The following CLDN2 variants were observed in gnomAD, a reference collection of about 807,000 sequenced individuals.
The protein encoded by CLDN2 is claudin-2.
In CLDN2, 1 loss-of-function variant was observed where a neutral mutation model predicts 8.2. That is an observed-to-expected ratio of 0.12 (90% confidence interval 0.04 to 0.58). The LOEUF (loss-of-function observed/expected upper bound fraction) is 0.58. Among genes scored for constraint, CLDN2 ranks in the 20% least tolerant of loss-of-function variants. The pLI, the probability that CLDN2 is intolerant of heterozygous loss-of-function variation, is 0.90. For synonymous variants in CLDN2, 70 were observed against 70.2 expected, an observed-to-expected ratio of 1.00 and a Z score of 0.01; for missense variants, 108 against 172.9, an observed-to-expected ratio of 0.62 and a Z score of 2.11.
At chrX:106,921,903 G>T (rs963924053) in intron 1 of CLDN2, among the ~76,000 whole-genome samples, 1 of 112,396 alleles carries the variant, frequency 8.9e-6, no homozygotes, top group Admixed American at 9.4e-5. Context: ...CTTCTAGGAG[G>T]ATCCCTCAAA....
At chrX:106,924,184 T>C (rs1933433815) in intron 1 of CLDN2, among the ~76,000 whole-genome samples, 1 of 110,169 alleles carries the variant, frequency 9.1e-6, no homozygotes, top group Non-Finnish European at 1.9e-5. Flanking sequence ...GAGCAGTGAG[T>C]GGGAGGGTGA....
At chrX:106,908,432 T>C (rs1445338468) in intron 1 of CLDN2, among the ~76,000 whole-genome samples, 1 of 111,323 alleles carries the variant, frequency 9.0e-6, no homozygotes, top group African/African-American at 3.3e-5. Context: ...ACACCATCCA[T>C]TGCAGCCTCC....
At chrX:106,913,608 C>T (rs765436562), upstream of CLDN2, among the ~76,000 whole-genome samples, 3 of 112,103 alleles carry the variant, frequency 2.7e-5, no homozygotes, top group South Asian at 3.7e-4. Flanking sequence ...TTTATCATCT[C>T]GCAGTTATAT....
intron 1 of CLDN2, among the ~76,000 whole-genome samples, chrX:106,902,567 G>A (rs759944453): frequency 9.0e-6 from 1 of 111,471 alleles, no homozygotes; most frequent in Admixed American, 9.5e-5. Flanking sequence ...TAATGAGTGG[G>A]GGCTAGATGG....
intron 1 of CLDN2, among the ~76,000 whole-genome samples, chrX:106,927,574 C>G (rs1057089496): frequency 8.9e-6 from 1 of 111,779 alleles, no homozygotes; most frequent in Non-Finnish European, 1.9e-5. Flanking sequence ...AGATTTTCAC[C>G]ATGGGCAGAA....
chrX:106,902,262 G>GTA, intron 1 of CLDN2: 1 of 1,054,404 alleles, frequency 9.5e-7, no homozygotes, highest in Non-Finnish European at 1.3e-6. Flanking sequence ...AGACTGAAAG[G>GTA]TGGGCTCCCT....
intron 1 of CLDN2, among the ~76,000 whole-genome samples, chrX:106,907,332 T>A (rs1933191774): frequency 8.9e-6 from 1 of 112,062 alleles, no homozygotes; most frequent in African/African-American, 3.2e-5. Context: ...AGGCTGGTAT[T>A]ATACAGCAAT....
At chrX:106,909,639 G>A (rs1181123118) in intron 1 of CLDN2, among the ~76,000 whole-genome samples, 1 of 112,214 alleles carries the variant, frequency 8.9e-6, no homozygotes, top group African/African-American at 3.2e-5. Context: ...GAGCAAAGGA[G>A]AAGTTTCTCT....
chrX:106,916,398 G>C (rs982796628), upstream of CLDN2, among the ~76,000 whole-genome samples: 1 of 111,116 alleles, frequency 9.0e-6, no homozygotes, highest in Admixed American at 9.6e-5. Context: ...GAAGCCAGTC[G>C]GGAGAGTGGG....
intron 1 of CLDN2, chrX:106,901,498 T>C: frequency 8.3e-7 from 1 of 1,211,651 alleles, no homozygotes; most frequent in African/African-American, 1.7e-5. Flanking sequence ...GAACTTGGAT[T>C]CAGCCTTGGT....
intron 1 of CLDN2, among the ~76,000 whole-genome samples, 168 bp from the exon 2 acceptor site, chrX:106,927,883 T>A (rs536123062): frequency 8.9e-6 from 1 of 112,423 alleles, no homozygotes; most frequent in East Asian, 2.8e-4. Context: ...CTAAGGCATG[T>A]GCCTACGCAG....
At chrX:106,912,692 CTTTAT>C (rs1185395244) in intron 1 of CLDN2, among the ~76,000 whole-genome samples, 2 of 109,663 alleles carry the variant, frequency 1.8e-5, no homozygotes, top group African/African-American at 6.6e-5. Flanking sequence ...CTGGGGAGCA[CTTTAT>C]TTTTTTTTTT....
intron 1 of CLDN2, among the ~76,000 whole-genome samples, chrX:106,926,790 C>CTTGAGCCCAGGAGGTCGAGGCTGCAATG: frequency 5.1e-5 from 2 of 39,413 alleles, no homozygotes; most frequent in African/African-American, 1.2e-4. Context: ...AGGAGGATCA[C>CTTGAGCCCAGGAGGTCGAGGCTGCAATG]ACACACACAC....
rs767221740 is a variant in CLDN2 at position 106,928,862 on chromosome X, G to A, written c.634G>A (p.Gly212Ser). 9 of 1,211,575 alleles carry A rather than the reference G, an allele frequency of 7.4e-6. No individual in the cohort carries two copies. Among genetic ancestry groups the A allele is most frequent in the Non-Finnish European group, 1.0e-5 (9 of 895,492 alleles). The change falls in exon 2 of 2, where the codon GGT becomes AGT. Residue 212 changes from glycine to serine, a missense_variant. Coordinates refer to ENST00000336803, the MANE Select transcript of CLDN2 (RefSeq NM_020384.4). Reference sequence around the variant, plus strand: ...TGCCACAAGGAGCTCTCCAAGGCCTGGTCAACCTCCCAAAGTCAAGAGTGA... The same window carrying A: ...TGCCACAAGGAGCTCTCCAAGGCCTAGTCAACCTCCCAAAGTCAAGAGTGA... ...PLATRSSPRP[G>S]QPPKVKSEFN...
At chrX:106,918,237 GGGAAAA>G (rs1205834195), upstream of CLDN2, 1 of 111,985 alleles carries the variant, frequency 8.9e-6, no homozygotes, top group Non-Finnish European at 1.9e-5. Flanking sequence ...GGTGAAGCCT[GGGAAAA>G]GAAAATGGAG....
Position 106,928,135 on chromosome X carries a change from C to A in CLDN2, c.-94C>A, listed in dbSNP as rs1204039009. ...GAGAAGTCAGCCTGGCAGAGAGACT[C>A]TGAAATGAGGGATTAGAGGTGTTCA... is the stretch of plus-strand genomic sequence containing the variant. On this transcript the variant is annotated 5_prime_UTR_variant, in exon 2 of 2. It adds an upstream start codon to the 5' untranslated region. Coordinates refer to ENST00000336803, the MANE Select transcript of CLDN2 (RefSeq NM_020384.4). 1.5e-6 allele frequency: 1 copy of A among 665,592 alleles called. No homozygotes were observed. The allele number at this position is 665,592 out of a possible 1,213,427, so 54.9% of individuals were successfully genotyped here.
chrX:106,919,223 G>A (rs1003921640), upstream of CLDN2, among the ~76,000 whole-genome samples: 6 of 111,433 alleles, frequency 5.4e-5, no homozygotes, highest in African/African-American at 2.0e-4. Context: ...AAATCCCATC[G>A]ATATCTTCTA....
At chrX:106,903,416 G>A (rs1449920334) in intron 1 of CLDN2, 5 of 698,060 alleles carry the variant, frequency 7.2e-6, no homozygotes, top group Non-Finnish European at 8.0e-6. Flanking sequence ...ACAGGGGTGG[G>A]ATGACTTGGG....
chrX:106,900,995 C>T, intron 1 of CLDN2: 2 of 1,114,437 alleles, frequency 1.8e-6, no homozygotes, highest in Non-Finnish European at 2.4e-6. Flanking sequence ...GGCCCCTAAA[C>T]CCCTTCTCTT....
Sources: gnomAD v4.1 joint callset for allele counts (sites outside exome capture counted in the v4.1 genomes callset) on GRCh38, gnomAD v4.1.1 for gene constraint, MANE v1.5 for transcripts, NCBI Gene and HGNC (gene_info 2026-07-23, HGNC 2026-07-21) for gene names.